Variants in NF2 observed in about 807,000 individuals in gnomAD.
The protein encoded by NF2 is NF2, moesin-ezrin-radixin like (MERLIN) tumor suppressor.
A neutral mutation model predicts 83.7 loss-of-function variants in NF2; 8 were observed. That is an observed-to-expected ratio of 0.10 (90% CI 0.06 to 0.17). The LOEUF (loss-of-function observed/expected upper bound fraction) is 0.17, where lower values mean the gene tolerates loss of function less well. Among genes scored for constraint, NF2 ranks in the 10% least tolerant of loss-of-function variants. The pLI is 1.00. For missense variants in NF2, 533 were observed against 744.4 expected, an observed-to-expected ratio of 0.72 and a Z score of 3.31; for synonymous variants, 266 against 269.6, an observed-to-expected ratio of 0.99 and a Z score of 0.13.
At chr22:29,609,987 A>G (rs2064905354) in intron 1 of NF2, among the ~76,000 whole-genome samples, 2 of 152,126 alleles carry the variant, frequency 1.3e-5, no homozygotes, top group South Asian at 2.1e-4. Flanking sequence ...ATTTAAAAAT[A>G]TAAGTTTGGG....
At chr22:29,648,164 A>C (rs1244172378) in intron 4 of NF2, among the ~76,000 whole-genome samples, 1 of 148,200 alleles carries the variant, frequency 6.7e-6, no homozygotes, top group Non-Finnish European at 1.5e-5. Flanking sequence ...ATAAATAAAT[A>C]AAGTAAAAAA....
In NF2 at chr22:29,651,931, C is replaced by T. The variant is rs10483155; in HGVS notation, c.448-2726C>T. ...GCTTTCTTTTAGCATCCTACCCTTT[C>T]AAAAATCCAGGAGGCAAACAATGAT... On this transcript the variant is annotated intron_variant, in intron 4 of 15. Coordinates refer to ENST00000338641, the MANE Select transcript of NF2 (RefSeq NM_000268.4). Among the ~76,000 whole-genome samples the T allele has an allele frequency of 0.024, 3,623 of 152,224 alleles. 349 individuals carry two copies. In the East Asian group the frequency reaches 0.34, roughly 14 times the overall value.
At chr22:29,613,915 C>T (rs1366633156) in intron 1 of NF2, among the ~76,000 whole-genome samples, 3 of 151,232 alleles carry the variant, frequency 2.0e-5, no homozygotes, top group African/African-American at 7.3e-5. Context: ...CCTGTCACAA[C>T]GCCCGGCTAA....
At chr22:29,640,586 A>G (rs2146882517) in intron 3 of NF2, among the ~76,000 whole-genome samples, 1 of 152,266 alleles carries the variant, frequency 6.6e-6, no homozygotes, top group Admixed American at 6.5e-5. Flanking sequence ...GTGTGCTCAA[A>G]GGTTTCAGTA....
chr22:29,610,033 TAGAG>T (rs3074485), intron 1 of NF2, among the ~76,000 whole-genome samples: 40 of 148,250 alleles, frequency 2.7e-4, no homozygotes, highest in South Asian at 1.3e-3. Context: ...AATAAATAAT[TAGAG>T]AGAGAGAGAG....
chr22:29,623,505 C>T (rs758526396), intron 1 of NF2, among the ~76,000 whole-genome samples: 6 of 152,098 alleles, frequency 3.9e-5, no homozygotes, highest in Admixed American at 6.6e-5. Flanking sequence ...GTGGGACTTG[C>T]TGGGGGTTGG....
chr22:29,644,405 C>T (rs1378118486), intron 4 of NF2, among the ~76,000 whole-genome samples: 10 of 150,708 alleles, frequency 6.6e-5, no homozygotes, highest in African/African-American at 2.2e-4. Context: ...GATGGGATGG[C>T]GGCTGGGCAG....
chr22:29,631,713 A>G (rs1266385339), intron 1 of NF2, among the ~76,000 whole-genome samples: 1 of 152,216 alleles, frequency 6.6e-6, no homozygotes. Context: ...ATTAACAATA[A>G]CTACCCCTTA....
At chr22:29,652,492 C>T (rs938260127) in intron 4 of NF2, among the ~76,000 whole-genome samples, 2 of 151,960 alleles carry the variant, frequency 1.3e-5, no homozygotes, top group African/African-American at 2.4e-5. Flanking sequence ...TTAGTAGAGA[C>T]GGGTTTCTCC....
chr22:29,678,083 A>C, intron 13 of NF2, 113 bp from the exon 14 acceptor site: 83 of 1,390,132 alleles, frequency 6.0e-5, no homozygotes, highest in Non-Finnish European at 7.9e-5. Context: ...GGGAGGTGGG[A>C]CCCGAGTTGT....
intron 3 of NF2, among the ~76,000 whole-genome samples, chr22:29,641,481 G>A (rs896131400): frequency 9.2e-5 from 14 of 152,148 alleles, no homozygotes; most frequent in African/African-American, 3.1e-4. Context: ...CTGCTTTTAT[G>A]AATCCGGTGA....
chr22:29,669,978 G>C (rs2527335), intron 10 of NF2, among the ~76,000 whole-genome samples: 1 of 151,906 alleles, frequency 6.6e-6, no homozygotes, highest in Non-Finnish European at 1.5e-5. Context: ...GAAAGTACAG[G>C]GCCAGGAACT....
intron 4 of NF2, among the ~76,000 whole-genome samples, chr22:29,643,599 G>T (rs1364955758): frequency 6.6e-6 from 1 of 152,132 alleles, no homozygotes; most frequent in African/African-American, 2.4e-5. Context: ...GAGAGCACAG[G>T]GTTGGGGGTA....
chr22:29,674,964 G>C (rs1601652471), intron 13 of NF2, 23 bp downstream of exon 13: 1 of 1,545,280 alleles, frequency 6.5e-7, no homozygotes, highest in African/African-American at 1.4e-5. Context: ...GCCACCAGCT[G>C]GGGCTGCCTT....
At position 29,603,945 on chromosome 22, in the gene NF2, G is replaced by A; in HGVS notation, c.-54G>A. 2.2e-6 allele frequency: 3 copies of A among 1,389,244 alleles called. No individual in the cohort carries two copies. The South Asian group carries it at 3.7e-5, about 17-fold the overall frequency. 86.1% of individuals were successfully genotyped at this position (1,389,244 alleles called of 1,614,324 possible). A position where few individuals can be genotyped will look rare whatever the true frequency, so the allele number is the denominator to read the frequency against. ...GTGCAGCAACTCCAGGGGGGCTAAA[G>A]GGCTCAGAGTGCAGGCCGTGGGGCG... On this transcript the variant is annotated 5_prime_UTR_variant, in exon 1 of 16. Transcript: ENST00000338641.
At position 29,677,098 on chromosome 22, in the gene NF2, C is replaced by T. The variant is rs575746088; in HGVS notation, c.1447-1098C>T. Among the ~76,000 whole-genome samples the T allele has an allele frequency of 1.1e-4, 16 of 139,508 alleles. No homozygotes were observed. The East Asian group carries it at 1.2e-3, about 11-fold the overall frequency. The allele number at this position is 139,508 out of a possible 152,430, so 91.5% of individuals were successfully genotyped here. Reference sequence around the variant, plus strand: ...CCCAGACACTGTCCTAGACTCAATACGGGATCCAAGGATGAAAAAGAGGCA... The same window carrying T: ...CCCAGACACTGTCCTAGACTCAATATGGGATCCAAGGATGAAAAAGAGGCA... On this transcript the variant is annotated intron_variant, in intron 13 of 15. Coordinates refer to ENST00000338641, the MANE Select transcript of NF2 (RefSeq NM_000268.4).
chr22:29,643,348 G>C (rs1286771498), intron 4 of NF2, among the ~76,000 whole-genome samples: 7 of 150,840 alleles, frequency 4.6e-5, no homozygotes, highest in Middle Eastern at 3.4e-3. Flanking sequence ...AGGGGGCTTT[G>C]GCAGGGTCAT....
intron 15 of NF2, among the ~76,000 whole-genome samples, chr22:29,690,718 G>A (rs1454269934): frequency 6.6e-6 from 1 of 152,330 alleles, no homozygotes; most frequent in Admixed American, 6.5e-5. Context: ...TTATTCACAC[G>A]GCTGATTCTA....
At chr22:29,651,523 C>CG (rs529699397) in intron 4 of NF2, among the ~76,000 whole-genome samples, 5 of 152,182 alleles carry the variant, frequency 3.3e-5, no homozygotes, top group Admixed American at 1.3e-4. Flanking sequence ...TTACATAAAA[C>CG]GATGAGGAGC....
Sources: allele counts gnomAD v4.1 joint callset (sites outside exome capture counted in the v4.1 genomes callset), GRCh38; gene constraint gnomAD v4.1.1; transcripts MANE v1.5; gene names NCBI Gene and HGNC (gene_info 2026-07-23, HGNC 2026-07-21).